The following GPATCH8 variants were observed in gnomAD, a reference collection of about 807,000 sequenced individuals.
GPATCH8 encodes G-patch domain containing 8, also known as G patch domain-containing protein 8.
In GPATCH8, 18 loss-of-function variants were observed where a neutral mutation model predicts 118.3. The observed-to-expected ratio is 0.15, with a 90% CI of 0.11 to 0.23. The LOEUF (loss-of-function observed/expected upper bound fraction) is 0.23, where lower values mean the gene tolerates loss of function less well. Ranked by LOEUF, GPATCH8 falls within the 10% of genes least tolerant of loss-of-function variation. The probability of loss-of-function intolerance (pLI) is 1.00; values close to 1 mark genes in which losing one functional copy is unlikely to be tolerated. For synonymous variants in GPATCH8, 659 were observed against 684.7 expected (o/e 0.96, Z 0.59); for missense variants, 1,631 against 1,873.8 (o/e 0.87, Z 2.39).
chr17:44,423,109 C>G (rs889248606), intron 6 of GPATCH8, among the ~76,000 whole-genome samples: 2 of 151,984 alleles, frequency 1.3e-5, no homozygotes, highest in African/African-American at 4.8e-5. Flanking sequence ...GGCATGGTGG[C>G]AGGCACCTGT....
intron 5 of GPATCH8, among the ~76,000 whole-genome samples, chr17:44,425,323 A>C (rs2050051281): frequency 6.6e-6 from 1 of 152,154 alleles, no homozygotes; most frequent in Admixed American, 6.5e-5. Flanking sequence ...TATCTCAAAG[A>C]CTATATCTAC....
intron 3 of GPATCH8, among the ~76,000 whole-genome samples, chr17:44,451,675 T>G (rs1352365560): frequency 6.6e-6 from 1 of 152,170 alleles, no homozygotes; most frequent in African/African-American, 2.4e-5. Context: ...CCCTAAATAT[T>G]TGGCAAAAGT....
In GPATCH8 at chr17:44,472,475, A is replaced by T. The variant is rs145821536; in HGVS notation, c.120+2354T>A. The stretch of plus-strand genomic sequence containing the variant: ...CTAGGCTTAAAATATGTTAAATATC[A>T]TTTAATTTAGTGGTTTAAAAAATAT... On this transcript the variant is annotated intron_variant, in intron 2 of 7. Transcript: ENST00000591680. Among the ~76,000 whole-genome samples, 950 of 152,336 alleles carry T rather than the reference A, an allele frequency of 6.2e-3. 7 individuals carry two copies. The highest frequency in any genetic ancestry group is 0.011 in the Admixed American group (166 of 15,304).
At chr17:44,434,528 AC>A (rs1409486750) in intron 5 of GPATCH8, among the ~76,000 whole-genome samples, 1 of 152,190 alleles carries the variant, frequency 6.6e-6, no homozygotes, top group Non-Finnish European at 1.5e-5. Context: ...ACATGGTGAA[AC>A]CCCATCTCTA....
chr17:44,442,556 C>G (rs2050739073), intron 3 of GPATCH8, among the ~76,000 whole-genome samples: 1 of 152,132 alleles, frequency 6.6e-6, no homozygotes, highest in South Asian at 2.1e-4. Flanking sequence ...ATTCCAGCTT[C>G]CAGGCTCAAG....
chr17:44,438,762 G>A (rs932777685), intron 3 of GPATCH8: 1 of 152,548 alleles, frequency 6.6e-6, no homozygotes. Context: ...ATTAGGGTAG[G>A]AAACAGGCCT....
chr17:44,395,832 G>C lies in GPATCH8; in HGVS notation c.*1736C>G, dbSNP rs553678621. On this transcript the variant is annotated 3_prime_UTR_variant, in exon 8 of 8. Transcript: ENST00000591680. ...GAATAGTTAGGAAAATGCCAAAGTG[G>C]GAATTGTTAACCTCATCAAAGGAGA... The C allele has an allele frequency of 2.2e-6, 1 of 454,072 alleles. No homozygotes were observed. The highest frequency in any genetic ancestry group is 1.6e-5 in the South Asian group (1 of 64,476). 28.1% of individuals were successfully genotyped at this position (454,072 alleles called of 1,614,324 possible). A position where few individuals can be genotyped will look rare whatever the true frequency, so the allele number is the denominator to read the frequency against.
chr17:44,458,708 T>C (rs2051434256), intron 3 of GPATCH8, among the ~76,000 whole-genome samples: 1 of 152,078 alleles, frequency 6.6e-6, no homozygotes. Context: ...TAAAATTTTT[T>C]AGGAACTGGG....
chr17:44,436,808 C>T (rs1164582090), intron 3 of GPATCH8: 1 of 492,620 alleles, frequency 2.0e-6, no homozygotes, highest in Non-Finnish European at 3.7e-6. Context: ...TAATGCAAAG[C>T]ACTTTTAAGC....
intron 6 of GPATCH8, among the ~76,000 whole-genome samples, chr17:44,413,658 G>C (rs1419595585): frequency 6.6e-6 from 1 of 151,780 alleles, no homozygotes; most frequent in Non-Finnish European, 1.5e-5. Context: ...TTGAGATGGA[G>C]TTTTGCTCTT....
chr17:44,401,123 A>G lies in GPATCH8; in HGVS notation c.954T>C (p.Val318=). The change falls in exon 8 of 8, where the codon GTT becomes GTC. Residue 318 remains valine, a synonymous_variant. Transcript: ENST00000591680. ...APVKLESIAS[V]FKDHAEEGTS... ...TCCCTTCCTCCGCATGGTCCTTGAAAACTGATGCTATTGATTCGAGTTTGA... is the reference window on the plus strand; with the variant it reads ...TCCCTTCCTCCGCATGGTCCTTGAAGACTGATGCTATTGATTCGAGTTTGA... 1 of 1,614,096 alleles carries G rather than the reference A, an allele frequency of 6.2e-7. No homozygotes were observed. Among genetic ancestry groups the G allele is most frequent in the Non-Finnish European group, 8.5e-7 (1 of 1,180,002 alleles).
At chr17:44,453,521 G>GTGTGTGTGTGTGTGTGTGTGTGTT (rs2051207318) in intron 3 of GPATCH8, among the ~76,000 whole-genome samples, 1 of 150,932 alleles carries the variant, frequency 6.6e-6, no homozygotes, top group Admixed American at 6.6e-5. Context: ...GTGTGTGTGT[G>GTGTGTGTGTGTGTGTGTGTGTGTT]TGTGTGTGTG....
In GPATCH8 at chr17:44,423,480, T is replaced by TA. The variant is rs1027912516; in HGVS notation, c.492+868dup. 4.6e-5 allele frequency among the ~76,000 whole-genome samples: 7 copies of TA among 151,502 alleles called. No homozygotes were observed. The East Asian group carries it at 9.7e-4, about 21-fold the overall frequency. ...CTTATGGTTGGTGGAAGATGAAGGC[T>TA]AAAAAAAAATCTTAGTTCAACAAGT... On this transcript the variant is annotated intron_variant, in intron 6 of 7. Transcript: ENST00000591680.
intron 2 of GPATCH8, chr17:44,473,845 C>A (rs1967509637): frequency 6.6e-6 from 1 of 152,208 alleles, no homozygotes; most frequent in African/African-American, 2.4e-5. Flanking sequence ...CAACACCAAC[C>A]TAATTAGGAA....
At chr17:44,439,564 T>C (rs2050619787) in intron 3 of GPATCH8, among the ~76,000 whole-genome samples, 1 of 151,928 alleles carries the variant, frequency 6.6e-6, no homozygotes, top group South Asian at 2.1e-4. Context: ...CAAGGAAAGA[T>C]CCCAGTGGGA....
chr17:44,435,397 C>A (rs1412877313), intron 4 of GPATCH8, among the ~76,000 whole-genome samples: 1 of 113,802 alleles, frequency 8.8e-6, no homozygotes, highest in Non-Finnish European at 1.9e-5. Context: ...TGTTAATTTT[C>A]TTTTCTTTCT....
chr17:44,448,524 G>A (rs2050979192), intron 3 of GPATCH8, among the ~76,000 whole-genome samples: 1 of 127,188 alleles, frequency 7.9e-6, no homozygotes, highest in African/African-American at 2.9e-5. Context: ...GGAAGAAGGA[G>A]GAAGAAGAAG....
intron 1 of GPATCH8, among the ~76,000 whole-genome samples, chr17:44,485,781 C>T (rs1335346123): frequency 6.6e-6 from 1 of 152,204 alleles, no homozygotes; most frequent in Non-Finnish European, 1.5e-5. Context: ...GGTACTTGTA[C>T]TGTGACTCCC....
chr17:44,460,399 G>A (rs537710256), intron 3 of GPATCH8, among the ~76,000 whole-genome samples: 2 of 152,002 alleles, frequency 1.3e-5, no homozygotes, highest in Non-Finnish European at 2.9e-5. Flanking sequence ...AAAGGAGAAT[G>A]AAATGTGAAT....
Sources: gnomAD v4.1 joint callset for allele counts (sites outside exome capture counted in the v4.1 genomes callset) on GRCh38, gnomAD v4.1.1 for gene constraint, MANE v1.5 for transcripts, NCBI Gene and HGNC (gene_info 2026-07-23, HGNC 2026-07-21) for gene names.